The following FRY variants were observed in gnomAD, a reference collection of about 807,000 sequenced individuals.
FRY encodes FRY microtubule binding protein.
A neutral mutation model predicts 348.4 loss-of-function variants in FRY; 128 were observed. That is an observed-to-expected ratio of 0.37 (90% confidence interval 0.32 to 0.43). FRY has a LOEUF of 0.43. Among genes scored for constraint, FRY ranks in the 20% least tolerant of loss-of-function variants. FRY has a pLI of 1.00. For missense variants in FRY, 2,736 were observed against 3,695.2 expected (o/e 0.74, Z 6.73); for synonymous variants, 1,370 against 1,374.7 (o/e 1.00, Z 0.08).
chr13:32,132,000 T>C (rs1037222594), intron 8 of FRY, among the ~76,000 whole-genome samples, 160 bp downstream of exon 8: 9 of 152,186 alleles, frequency 5.9e-5, no homozygotes, highest in African/African-American at 2.2e-4. Flanking sequence ...AATAGTACAG[T>C]TGCGGGCACA....
chr13:32,247,573 G>T, intron 48 of FRY, 71 bp downstream of exon 48: 1 of 1,196,366 alleles, frequency 8.4e-7, no homozygotes. Flanking sequence ...AAAAGTAGTT[G>T]CCTGGAAAAA....
chr13:32,046,176 T>A (rs1593556792), intron 1 of FRY, among the ~76,000 whole-genome samples: 1 of 152,188 alleles, frequency 6.6e-6, no homozygotes, highest in African/African-American at 2.4e-5. Flanking sequence ...CTTCAGGCTC[T>A]GGGAAAAGGA....
intron 3 of FRY, among the ~76,000 whole-genome samples, chr13:32,111,420 T>G (rs1022010874): frequency 1.3e-5 from 2 of 151,948 alleles, no homozygotes; most frequent in African/African-American, 4.8e-5. Flanking sequence ...CACTTGAACC[T>G]GGGAGGCAGA....
intron 43 of FRY, among the ~76,000 whole-genome samples, chr13:32,236,823 A>T (rs1439668664): frequency 6.6e-6 from 1 of 152,196 alleles, no homozygotes; most frequent in South Asian, 2.1e-4. Flanking sequence ...TACAAACATC[A>T]CACATATTTA....
intron 33 of FRY, 74 bp downstream of exon 33, chr13:32,209,805 T>C: frequency 7.2e-7 from 1 of 1,390,438 alleles, no homozygotes; most frequent in Non-Finnish European, 1.0e-6. Context: ...AGTCAGAATG[T>C]GCTCTTTGCT....
intron 3 of FRY, 113 bp from the exon 4 acceptor site, chr13:32,117,221 A>G: frequency 2.2e-6 from 2 of 927,614 alleles, no homozygotes; most frequent in Non-Finnish European, 3.4e-6. Context: ...AAGGACTGTG[A>G]TACGGAAGAA....
At chr13:32,066,461 G>A (rs532319786) in intron 1 of FRY, among the ~76,000 whole-genome samples, 1 of 152,328 alleles carries the variant, frequency 6.6e-6, no homozygotes, top group African/African-American at 2.4e-5. Flanking sequence ...ACAGTTTTCA[G>A]TGTGTAGGTA....
Position 32,251,895 on chromosome 13 carries a change from G to A in FRY, c.7188G>A (p.Lys2396=), listed in dbSNP as rs369181185. Residue 2396 remains lysine (K), a synonymous_variant, in exon 50 of 61, where the codon AAG becomes AAA. Coordinates refer to ENST00000542859, the MANE Select transcript of FRY (RefSeq NM_023037.3). ...PQYSQKRTKE[K]LVHVLSLCGQ... ...TTTTCCAGAAGAGAACAAAAGAGAA[G>A]TTGGTACATGTCCTTTCTCTGTGTG... 4.0e-4 allele frequency: 646 copies of A among 1,612,604 alleles called. No individual in the cohort carries two copies. Among genetic ancestry groups the A allele is most frequent in the Non-Finnish European group, 5.3e-4 (626 of 1,178,718 alleles).
intron 14 of FRY, among the ~76,000 whole-genome samples, chr13:32,154,782 T>G (rs1178814725): frequency 6.6e-6 from 1 of 152,204 alleles, no homozygotes; most frequent in East Asian, 1.9e-4. Context: ...CATGGCTGCT[T>G]AATGGAGTAC....
intron 3 of FRY, among the ~76,000 whole-genome samples, chr13:32,108,237 C>G (rs1877704541): frequency 6.6e-6 from 1 of 152,134 alleles, no homozygotes. Context: ...ACAGAAGACA[C>G]ATGCCTCAGG....
At chr13:32,188,762 T>C (rs911049180) in intron 28 of FRY, among the ~76,000 whole-genome samples, 5 of 152,188 alleles carry the variant, frequency 3.3e-5, no homozygotes, top group Non-Finnish European at 7.4e-5. Context: ...GGTAAAGCCA[T>C]GTTATATCTC....
In FRY at chr13:32,287,038, G is replaced by A. The variant is rs375975185; in HGVS notation, c.8470-2595G>A. On this transcript the variant is annotated intron_variant, in intron 58 of 60. Transcript: ENST00000542859. ...AAATTAGCCAGGCGTGGTGGCACGCGCTTGTAATCCCAGCTACTCAGGAGG... is the reference window on the plus strand; with the variant it reads ...AAATTAGCCAGGCGTGGTGGCACGCACTTGTAATCCCAGCTACTCAGGAGG... Among the ~76,000 whole-genome samples the A allele has an allele frequency of 3.3e-5, 5 of 151,206 alleles. No homozygotes were observed. In the South Asian group the frequency reaches 6.3e-4, roughly 19 times the overall value.
chr13:32,249,500 T>C (rs777248726), intron 48 of FRY, 26 bp from the exon 49 acceptor site: 14 of 1,613,126 alleles, frequency 8.7e-6, no homozygotes, highest in Non-Finnish European at 1.2e-5. Context: ...TGAGACAGAA[T>C]AATGTGCGTT....
At chr13:32,032,584 TC>T (rs1308492348) in intron 1 of FRY, among the ~76,000 whole-genome samples, 1 of 152,222 alleles carries the variant, frequency 6.6e-6, no homozygotes, top group African/African-American at 2.4e-5. Context: ...CTCCTGAAGT[TC>T]CATTTCTGAC....
At chr13:32,177,258 G>T (rs1882419811) in intron 20 of FRY, among the ~76,000 whole-genome samples, 2 of 152,134 alleles carry the variant, frequency 1.3e-5, no homozygotes, top group Admixed American at 1.3e-4. Flanking sequence ...GATTTCAAGA[G>T]ATTTTTATTT....
intron 1 of FRY, among the ~76,000 whole-genome samples, chr13:32,043,264 CAT>C (rs1364981496): frequency 1.3e-5 from 2 of 152,184 alleles, no homozygotes; most frequent in Non-Finnish European, 2.9e-5. Context: ...CCTCCCACAA[CAT>C]GTGGGAATTA....
intron 46 of FRY, among the ~76,000 whole-genome samples, chr13:32,241,728 T>A (rs865777053): frequency 4.6e-5 from 7 of 152,280 alleles, no homozygotes; most frequent in Middle Eastern, 6.8e-3. Context: ...ATACACTTTT[T>A]AAAAAAATGG....
intron 58 of FRY, among the ~76,000 whole-genome samples, chr13:32,282,025 G>C (rs1396933838): frequency 6.6e-6 from 1 of 152,198 alleles, no homozygotes; most frequent in African/African-American, 2.4e-5. Context: ...GAAATGGGCT[G>C]TGAGAGAAAA....
At chr13:32,252,498 C>T (rs1488616150) in intron 50 of FRY, among the ~76,000 whole-genome samples, 1 of 152,066 alleles carries the variant, frequency 6.6e-6, no homozygotes, top group African/African-American at 2.4e-5. Context: ...TATAAGTAAA[C>T]TTTGGAAGCT....
Sources: allele counts gnomAD v4.1 joint callset (sites outside exome capture counted in the v4.1 genomes callset), GRCh38; gene constraint gnomAD v4.1.1; transcripts MANE v1.5; gene names NCBI Gene and HGNC (gene_info 2026-07-23, HGNC 2026-07-21).